The following RNPEP variants were observed in gnomAD, a reference collection of about 807,000 sequenced individuals.
RNPEP encodes arginyl aminopeptidase.
RNPEP carries 57 observed loss-of-function variants against 70.1 expected under a neutral mutation model. That is an observed-to-expected ratio of 0.81 (90% CI 0.66 to 1.01). The LOEUF is 1.01. Ranked by LOEUF, RNPEP falls within the 50% of genes least tolerant of loss-of-function variation. The probability of loss-of-function intolerance (pLI) is 0.00; values close to 1 mark genes in which losing one functional copy is unlikely to be tolerated. For synonymous variants in RNPEP, 335 were observed against 357.4 expected, an observed-to-expected ratio of 0.94 and a Z score of 0.71; for missense variants, 787 against 852.4, an observed-to-expected ratio of 0.92 and a Z score of 0.96.
At chr1:201,986,551 T>C (rs1683138566) in intron 1 of RNPEP, among the ~76,000 whole-genome samples, 1 of 151,444 alleles carries the variant, frequency 6.6e-6, no homozygotes, top group African/African-American at 2.4e-5. Context: ...TTTTTTTTTT[T>C]TTTCTTGAAA....
Position 202,001,712 on chromosome 1 carries a change from C to G in RNPEP, c.1371C>G (p.Asp457Glu), listed in dbSNP as rs144086230. Residue 457 changes from aspartate (D) to glutamate (E), a missense_variant, in exon 8 of 11, where the codon GAC (aspartate) becomes GAG (glutamate). Asp to Glu is a conservative substitution (Grantham distance 45). Coordinates refer to ENST00000295640, the MANE Select transcript of RNPEP (RefSeq NM_020216.4). ...GCATCTTAGCCGATGACTTTCTGGA[C>G]TTCTACTTGGAATATTTCCCTGAGC... is the stretch of plus-strand genomic sequence containing the variant. ...FRSILADDFL[D>E]FYLEYFPELK... 3.1e-6 allele frequency: 5 copies of G among 1,613,564 alleles called. No homozygotes were observed. In the African/African-American group the frequency reaches 6.7e-5, roughly 22 times the overall value.
Position 202,001,499 on chromosome 1 carries a change from A to ATACCT in RNPEP, c.1317+12_1317+13insACCTT. The ATACCT allele has an allele frequency of 6.3e-7, 1 of 1,582,754 alleles. No homozygotes were observed. Among genetic ancestry groups the ATACCT allele is most frequent in the Non-Finnish European group, 8.7e-7 (1 of 1,151,450 alleles). ...GACAGTTTTCTCAAGGTATAGTCAC[A>ATACCT]TGAGGGGAGAAGGAAGAGGAGCGGA... On this transcript the variant is annotated intron_variant, in intron 7 of 10. Transcript: ENST00000295640.
intron 9 of RNPEP, 134 bp from the exon 10 acceptor site, chr1:202,004,220 G>A: frequency 2.2e-6 from 2 of 923,218 alleles, no homozygotes; most frequent in Non-Finnish European, 3.2e-6. Context: ...TAGAGATGGG[G>A]TTTCGCCATA....
intron 3 of RNPEP, among the ~76,000 whole-genome samples, chr1:201,994,817 C>T (rs1683484791): frequency 6.7e-6 from 1 of 149,026 alleles, no homozygotes; most frequent in Non-Finnish European, 1.5e-5. Context: ...CAGGCATACA[C>T]TACCATGTCC....
intron 6 of RNPEP, 35 bp downstream of exon 6, chr1:202,000,050 C>T: frequency 6.8e-7 from 1 of 1,475,112 alleles, no homozygotes. Context: ...ACCCACTCCC[C>T]TCAATTGAGC....
chr1:201,996,252 T>C lies in RNPEP; in HGVS notation c.843T>C (p.Tyr281=). The part of the protein sequence containing the change: ...LATGEKLFGP[Y]VWGRYDLLFM... ...CAGGAGAGAAGCTTTTTGGACCTTA[T>C]GTTTGGGGAAGGTGTGGTATCACAT... Residue 281 remains tyrosine (Y), a synonymous_variant, in exon 4 of 11, where the codon TAT becomes TAC. Coordinates refer to ENST00000295640, the MANE Select transcript of RNPEP (RefSeq NM_020216.4). 1.9e-6 allele frequency: 3 copies of C among 1,608,622 alleles called. No homozygotes were observed. The highest frequency in any genetic ancestry group is 2.6e-6 in the Non-Finnish European group (3 of 1,174,976).
At chr1:202,000,893 TAAAA>T (rs35891956) in intron 6 of RNPEP, 8 of 134,338 alleles carry the variant, frequency 6.0e-5, no homozygotes, top group South Asian at 2.3e-4. Context: ...GACTCCGTCT[TAAAA>T]AAAAAAAAAA....
At chr1:202,004,544 T>C in intron 10 of RNPEP, 48 bp downstream of exon 10, 1 of 1,603,916 alleles carries the variant, frequency 6.2e-7, no homozygotes, top group African/African-American at 1.3e-5. Context: ...TGGGACCCAC[T>C]CGGCCATATG....
intron 5 of RNPEP, among the ~76,000 whole-genome samples, chr1:201,998,559 A>G (rs1440075129): frequency 6.6e-6 from 1 of 152,146 alleles, no homozygotes; most frequent in Non-Finnish European, 1.5e-5. Context: ...AACGTTTTAA[A>G]TTACATAGTC....
intron 1 of RNPEP, among the ~76,000 whole-genome samples, chr1:201,986,536 C>CT (rs374147270): frequency 7.4e-5 from 6 of 80,596 alleles, no homozygotes; most frequent in East Asian, 3.2e-4. Flanking sequence ...CATTTTCTTT[C>CT]TTTTTTTTTT....
chr1:201,988,454 T>G (rs970990537), intron 1 of RNPEP, among the ~76,000 whole-genome samples: 169 of 86,070 alleles, frequency 2.0e-3, no homozygotes, highest in Non-Finnish European at 2.8e-3. Context: ...CGATACTCTG[T>G]CTCAAAAAAA....
chr1:201,984,151 C>T (rs183775529), intron 1 of RNPEP, among the ~76,000 whole-genome samples: 37 of 152,286 alleles, frequency 2.4e-4, no homozygotes, highest in Admixed American at 2.4e-3. Flanking sequence ...AGGCTGGTCT[C>T]GAACTCCTGA....
chr1:202,000,637 G>A (rs1368361216), intron 6 of RNPEP, among the ~76,000 whole-genome samples: 1 of 152,172 alleles, frequency 6.6e-6, no homozygotes, highest in East Asian at 1.9e-4. Flanking sequence ...GCTGGGCATG[G>A]TGGTTCACGC....
intron 1 of RNPEP, among the ~76,000 whole-genome samples, chr1:201,988,470 A>C (rs545982839): frequency 3.8e-4 from 58 of 151,508 alleles, no homozygotes; most frequent in East Asian, 3.7e-3. Context: ...AAAAAAAAAA[A>C]AAAAAAAAAA....
intron 3 of RNPEP, among the ~76,000 whole-genome samples, chr1:201,991,349 G>T (rs113561851): frequency 2.6e-5 from 4 of 152,160 alleles, no homozygotes; most frequent in African/African-American, 9.6e-5. Context: ...TCCTGACCTC[G>T]TGATCCATCC....
intron 5 of RNPEP, among the ~76,000 whole-genome samples, chr1:201,998,910 AAC>A (rs1193436400): frequency 6.6e-6 from 1 of 152,212 alleles, no homozygotes; most frequent in African/African-American, 2.4e-5. Context: ...GTCTGACAGA[AAC>A]AGTTAGATGA....
At chr1:201,994,744 G>A (rs1221900475) in intron 3 of RNPEP, among the ~76,000 whole-genome samples, 16 of 145,086 alleles carry the variant, frequency 1.1e-4, no homozygotes, top group African/African-American at 3.3e-4. Context: ...TTGGCTCCCC[G>A]CAACCTCTGC....
chr1:201,990,719 C>T (rs1009702111), intron 3 of RNPEP, among the ~76,000 whole-genome samples: 1 of 152,216 alleles, frequency 6.6e-6, no homozygotes, highest in East Asian at 1.9e-4. Context: ...CTGCTCCCAG[C>T]GCACACATTC....
intron 1 of RNPEP, among the ~76,000 whole-genome samples, chr1:201,987,428 CTTTTT>C (rs200892295): frequency 8.9e-6 from 1 of 111,978 alleles, no homozygotes; most frequent in Admixed American, 1.0e-4. Context: ...TCAGATTTTA[CTTTTT>C]TTTTTTTTTT....
Sources: gnomAD v4.1 joint callset for allele counts (sites outside exome capture counted in the v4.1 genomes callset) on GRCh38, gnomAD v4.1.1 for gene constraint, MANE v1.5 for transcripts, NCBI Gene and HGNC (gene_info 2026-07-23, HGNC 2026-07-21) for gene names.